Variants in IREB2 observed in about 807,000 individuals in gnomAD.
The protein encoded by IREB2 is iron-responsive element-binding protein 2.
A neutral mutation model predicts 118.8 loss-of-function variants in IREB2; 39 were observed. The ratio of observed to expected loss-of-function variants is 0.33; its 90% CI spans 0.25 to 0.43. The LOEUF is 0.43. IREB2 is among the 20% of genes least tolerant of loss of function. The pLI is 1.00. For synonymous variants in IREB2, 372 were observed against 392.2 expected, an observed-to-expected ratio of 0.95 and a Z score of 0.61; for missense variants, 900 against 1,147.3, an observed-to-expected ratio of 0.78 and a Z score of 3.11.
intron 16 of IREB2, 41 bp from the exon 17 acceptor site, chr15:78,490,381 T>C (rs1222592042): frequency 7.5e-7 from 1 of 1,341,696 alleles, no homozygotes; most frequent in Non-Finnish European, 1.0e-6. Context: ...CTGAGTCCTT[T>C]TATCTTTGCT....
chr15:78,471,299 C>G (rs936737690), intron 6 of IREB2, among the ~76,000 whole-genome samples: 1 of 152,190 alleles, frequency 6.6e-6, no homozygotes, highest in Non-Finnish European at 1.5e-5. Flanking sequence ...ATGAGCCACT[C>G]TGCCCAGCCA....
At chr15:78,438,198 C>A, upstream of IREB2, 1 of 681,534 alleles carries the variant, frequency 1.5e-6, no homozygotes, top group South Asian at 1.7e-5. Flanking sequence ...GGCTCTGCTG[C>A]TCTCGCGATA....
chr15:78,498,984 A>G lies in IREB2; in HGVS notation c.*841A>G, dbSNP rs1567004328. ...TAACCTAATATTTTCGGTATCATTA[A>G]CCAAAATTTCACACTCATAGTTGCT... On this transcript the variant is annotated 3_prime_UTR_variant, in exon 22 of 22. Coordinates refer to ENST00000258886, the MANE Select transcript of IREB2 (RefSeq NM_004136.4). 1 of 152,202 alleles carries G rather than the reference A, an allele frequency of 6.6e-6. No individual in the cohort carries two copies. The allele number at this position is 152,202 out of a possible 1,614,324, so 9.4% of individuals were successfully genotyped here.
At chr15:78,472,865 TA>T (rs2051403157) in intron 7 of IREB2, among the ~76,000 whole-genome samples, 1 of 152,218 alleles carries the variant, frequency 6.6e-6, no homozygotes, top group South Asian at 2.1e-4. Flanking sequence ...CAGGGTGTTA[TA>T]AATGTTGATT....
At chr15:78,467,698 A>C (rs2051307635) in intron 5 of IREB2, among the ~76,000 whole-genome samples, 1 of 152,202 alleles carries the variant, frequency 6.6e-6, no homozygotes, top group Non-Finnish European at 1.5e-5. Flanking sequence ...TCAGAAAAAA[A>C]AAAAGTCATA....
intron 2 of IREB2, among the ~76,000 whole-genome samples, chr15:78,440,276 C>T (rs2050825302): frequency 6.6e-6 from 1 of 152,038 alleles, no homozygotes; most frequent in South Asian, 2.1e-4. Context: ...ATGTAAGCTA[C>T]TGCGCCTGGC....
At chr15:78,459,581 C>G (rs1466310987) in intron 2 of IREB2, among the ~76,000 whole-genome samples, 1 of 152,144 alleles carries the variant, frequency 6.6e-6, no homozygotes, top group Non-Finnish European at 1.5e-5. Flanking sequence ...AACTCTTGAC[C>G]TCGAGTGATC....
At chr15:78,442,120 T>G (rs1011100734) in intron 2 of IREB2, among the ~76,000 whole-genome samples, 1 of 152,116 alleles carries the variant, frequency 6.6e-6, no homozygotes, top group African/African-American at 2.4e-5. Flanking sequence ...GATCTCAAAC[T>G]CCTGACCTCA....
chr15:78,492,253 C>G (rs969561770), intron 18 of IREB2, among the ~76,000 whole-genome samples: 1 of 152,020 alleles, frequency 6.6e-6, no homozygotes, highest in Admixed American at 6.6e-5. Flanking sequence ...CAATACCCCC[C>G]GCACCCAGAT....
At chr15:78,473,952 A>G (rs1167761772) in intron 8 of IREB2, 1 of 152,194 alleles carries the variant, frequency 6.6e-6, no homozygotes, top group Admixed American at 6.5e-5. Context: ...AAAAACATGG[A>G]CTGTAGAAAT....
chr15:78,479,611 A>C (rs955437928), intron 10 of IREB2, among the ~76,000 whole-genome samples: 1 of 152,138 alleles, frequency 6.6e-6, no homozygotes, highest in African/African-American at 2.4e-5. Context: ...TTTCTACTTT[A>C]TGATAAGAGT....
In IREB2 at chr15:78,442,009, C is replaced by T. The variant is rs115846839; in HGVS notation, c.106+2128C>T. Among the ~76,000 whole-genome samples, 255 of 152,108 alleles carry T rather than the reference C, an allele frequency of 1.7e-3. 1 individual carries two copies. The highest frequency in any genetic ancestry group is 5.7e-3 in the African/African-American group (236 of 41,488). On this transcript the variant is annotated intron_variant, in intron 2 of 21. Transcript: ENST00000258886. ...GCTGCCTCTGCCTCCTGAGTTCAAG[C>T]GATTCTCGTGCCTTAACCTCCCAAG...
chr15:78,482,754 T>G (rs574200037), intron 10 of IREB2, among the ~76,000 whole-genome samples: 3 of 151,858 alleles, frequency 2.0e-5, no homozygotes, highest in South Asian at 2.1e-4. Flanking sequence ...AAACCAGGTT[T>G]TTTTTTTTTT....
At chr15:78,494,999 C>G (rs557675192) in intron 20 of IREB2, among the ~76,000 whole-genome samples, 1 of 152,294 alleles carries the variant, frequency 6.6e-6, no homozygotes, top group East Asian at 1.9e-4. Context: ...GATTGTGGTG[C>G]CTGGCTGTCT....
chr15:78,493,841 T>C, intron 18 of IREB2, 68 bp from the exon 19 acceptor site: 1 of 1,487,966 alleles, frequency 6.7e-7, no homozygotes. Context: ...TCAATAGGTC[T>C]TACAGCTCAA....
chr15:78,449,392 G>T (rs960972407), intron 2 of IREB2, among the ~76,000 whole-genome samples: 2 of 152,162 alleles, frequency 1.3e-5, no homozygotes, highest in Non-Finnish European at 2.9e-5. Context: ...TACAGCAGGG[G>T]TTGCAAGCTC....
intron 5 of IREB2, among the ~76,000 whole-genome samples, chr15:78,467,023 C>A (rs1035242866): frequency 6.6e-6 from 1 of 151,532 alleles, no homozygotes; most frequent in Non-Finnish European, 1.5e-5. Flanking sequence ...TTGAGACCAG[C>A]CTGGGCAGCA....
At chr15:78,479,911 A>T (rs1270934544) in intron 10 of IREB2, 1 of 135,434 alleles carries the variant, frequency 7.4e-6, no homozygotes, top group African/African-American at 2.9e-5. Context: ...ACAGAATGAG[A>T]CAGTGTCTAA....
At chr15:78,488,575 T>C (rs1340536290) in intron 15 of IREB2, 72 bp from the exon 16 acceptor site, 31 of 1,405,690 alleles carry the variant, frequency 2.2e-5, no homozygotes, top group South Asian at 2.9e-5. Flanking sequence ...TTCCATGATA[T>C]GTCTTTGAAA....
Sources: allele counts gnomAD v4.1 joint callset (sites outside exome capture counted in the v4.1 genomes callset), GRCh38; gene constraint gnomAD v4.1.1; transcripts MANE v1.5; gene names NCBI Gene and HGNC (gene_info 2026-07-23, HGNC 2026-07-21).